Variants in CLEC16A observed in about 807,000 individuals in gnomAD.
CLEC16A encodes protein CLEC16A.
Under a neutral mutation model 109.5 loss-of-function variants are expected in CLEC16A, and 51 were observed. The observed-to-expected ratio is 0.47, with a 90% CI of 0.37 to 0.59. The LOEUF (loss-of-function observed/expected upper bound fraction) is 0.59. CLEC16A is among the 20% of genes least tolerant of loss of function. The probability of loss-of-function intolerance (pLI) is 0.00; values close to 1 mark genes in which losing one functional copy is unlikely to be tolerated. For synonymous variants in CLEC16A, 673 were observed against 564.2 expected (o/e 1.19, Z -2.73); for missense variants, 1,339 against 1,394.0 (o/e 0.96, Z 0.63).
intron 19 of CLEC16A, among the ~76,000 whole-genome samples, chr16:11,110,387 G>A (rs577111953): frequency 1.3e-5 from 2 of 152,208 alleles, no homozygotes; most frequent in East Asian, 3.8e-4. Context: ...GAGGGACTGG[G>A]GGAGCAGCCA....
intron 10 of CLEC16A, among the ~76,000 whole-genome samples, chr16:11,000,481 A>G (rs1204788999): frequency 6.6e-6 from 1 of 152,030 alleles, no homozygotes; most frequent in East Asian, 1.9e-4. Flanking sequence ...ATTCACTAGG[A>G]GTTGGCAGTG....
At chr16:11,063,379 A>G (rs1212875106) in intron 19 of CLEC16A, among the ~76,000 whole-genome samples, 2 of 151,212 alleles carry the variant, frequency 1.3e-5, no homozygotes, top group Non-Finnish European at 2.9e-5. Flanking sequence ...AATCTGACCA[A>G]ACGCCTTCTG....
At position 10,962,598 on chromosome 16, in the gene CLEC16A, T is replaced by C; in HGVS notation, c.343+10T>C. ...CACGAGACCTCACTTTGTAAGGACA[T>C]TCCTTGGTATTTGCCTCTGTGCTGC... On this transcript the variant is annotated intron_variant, in intron 3 of 23. Transcript: ENST00000409790. 6.2e-7 allele frequency: 1 copy of C among 1,613,434 alleles called. No individual in the cohort carries two copies. The highest frequency in any genetic ancestry group is 2.2e-5 in the East Asian group (1 of 44,876).
At chr16:11,030,694 G>C (rs1179794058) in intron 13 of CLEC16A, among the ~76,000 whole-genome samples, 1 of 152,194 alleles carries the variant, frequency 6.6e-6, no homozygotes, top group Non-Finnish European at 1.5e-5. Context: ...GCCCAGGCCA[G>C]AATGCAATGG....
intron 23 of CLEC16A, among the ~76,000 whole-genome samples, chr16:11,173,592 C>A (rs570953672): frequency 6.6e-6 from 1 of 152,148 alleles, no homozygotes; most frequent in Non-Finnish European, 1.5e-5. Flanking sequence ...TCTGAGCTTT[C>A]TCAGGACTCG....
chr16:10,984,189 C>CA (rs1242495887), intron 10 of CLEC16A, among the ~76,000 whole-genome samples: 1 of 152,144 alleles, frequency 6.6e-6, no homozygotes. Flanking sequence ...GAAAGGCCAC[C>CA]ACTGCATGGA....
chr16:11,131,970 C>T (rs1242139844), intron 22 of CLEC16A, among the ~76,000 whole-genome samples: 1 of 152,228 alleles, frequency 6.6e-6, no homozygotes, highest in Non-Finnish European at 1.5e-5. Context: ...ATGGCTGGTT[C>T]CTTCTCAGCA....
intron 22 of CLEC16A, among the ~76,000 whole-genome samples, chr16:11,128,307 C>G (rs1386087047): frequency 6.6e-6 from 1 of 152,250 alleles, no homozygotes; most frequent in Non-Finnish European, 1.5e-5. Flanking sequence ...TCTACCCTGC[C>G]TGGCCTTCCA....
chr16:11,033,508 C>T (rs1211915911), intron 13 of CLEC16A, among the ~76,000 whole-genome samples: 1 of 152,162 alleles, frequency 6.6e-6, no homozygotes, highest in Non-Finnish European at 1.5e-5. Flanking sequence ...TCAGTCCTGG[C>T]CTGTGAGCAC....
intron 22 of CLEC16A, 113 bp from the exon 23 acceptor site, chr16:11,166,275 A>T: frequency 8.4e-7 from 1 of 1,191,826 alleles, no homozygotes; most frequent in Non-Finnish European, 1.1e-6. Flanking sequence ...GTTCCAGGGA[A>T]CAGAGCAGGA....
At chr16:11,108,328 G>A (rs970988569) in intron 19 of CLEC16A, among the ~76,000 whole-genome samples, 4 of 152,262 alleles carry the variant, frequency 2.6e-5, no homozygotes, top group African/African-American at 4.8e-5. Flanking sequence ...TCTCCTGCTC[G>A]AAGGGGCCAC....
chr16:11,164,926 G>A (rs530960931), intron 22 of CLEC16A, among the ~76,000 whole-genome samples: 7 of 152,318 alleles, frequency 4.6e-5, no homozygotes, highest in African/African-American at 1.7e-4. Context: ...GCATGAATGG[G>A]GTCCAGGGCT....
chr16:11,053,030 ACAGGCACAAGC>A (rs1373744037), intron 18 of CLEC16A, among the ~76,000 whole-genome samples: 1 of 152,098 alleles, frequency 6.6e-6, no homozygotes, highest in African/African-American at 2.4e-5. Flanking sequence ...AGCTGGAACT[ACAGGCACAAGC>A]TACCACACCT....
intron 10 of CLEC16A, among the ~76,000 whole-genome samples, chr16:10,990,643 A>C (rs570607775): frequency 1.2e-4 from 19 of 152,320 alleles, no homozygotes; most frequent in Non-Finnish European, 2.1e-4. Context: ...GATGGGGAAG[A>C]AGCCTTGTGA....
intron 22 of CLEC16A, among the ~76,000 whole-genome samples, chr16:11,141,222 A>G (rs1389297918): frequency 6.6e-6 from 1 of 152,254 alleles, no homozygotes; most frequent in African/African-American, 2.4e-5. Context: ...TATGGACAGC[A>G]CCAGGCAGGT....
At chr16:10,949,291 G>A (rs1567487824) in intron 1 of CLEC16A, among the ~76,000 whole-genome samples, 1 of 152,058 alleles carries the variant, frequency 6.6e-6, no homozygotes, top group East Asian at 1.9e-4. Flanking sequence ...ACATATTATG[G>A]GTCCTAGGCT....
chr16:11,075,040 A>G (rs532122912), intron 19 of CLEC16A, among the ~76,000 whole-genome samples: 28 of 152,280 alleles, frequency 1.8e-4, no homozygotes, highest in African/African-American at 5.8e-4. Context: ...GCAGTGAGTA[A>G]TGATTGCACC....
intron 19 of CLEC16A, among the ~76,000 whole-genome samples, chr16:11,068,986 CTT>C (rs34421150): frequency 2.5e-4 from 31 of 123,426 alleles, no homozygotes; most frequent in Non-Finnish European, 3.3e-4. Context: ...GGCTAATTTT[CTT>C]TTTTTTTTTT....
At chr16:10,968,887 A>T (rs924273143) in intron 3 of CLEC16A, among the ~76,000 whole-genome samples, 10 of 152,216 alleles carry the variant, frequency 6.6e-5, no homozygotes, top group Non-Finnish European at 1.5e-4. Flanking sequence ...CTTTGCCATC[A>T]ATGAAAAGAA....
Sources: gnomAD v4.1 joint callset for allele counts (sites outside exome capture counted in the v4.1 genomes callset) on GRCh38, gnomAD v4.1.1 for gene constraint, MANE v1.5 for transcripts, NCBI Gene and HGNC (gene_info 2026-07-23, HGNC 2026-07-21) for gene names.